Variants in LHFPL2 observed in about 807,000 individuals in gnomAD.
LHFPL2 encodes LHFPL tetraspan subfamily member 2.
Under a neutral mutation model 17.5 loss-of-function variants are expected in LHFPL2, and 7 were observed. The ratio of observed to expected loss-of-function variants is 0.40; its 90% CI spans 0.23 to 0.75. The LOEUF is 0.75. LHFPL2 is among the 30% of genes least tolerant of loss of function. The pLI is 0.37. For missense variants in LHFPL2, 241 were observed against 294.8 expected (o/e 0.82, Z 1.34); for synonymous variants, 134 against 116.2 (o/e 1.15, Z -0.99).
chr5:78,532,684 A>G (rs1755822002), intron 3 of LHFPL2, among the ~76,000 whole-genome samples: 2 of 151,988 alleles, frequency 1.3e-5, no homozygotes, highest in Non-Finnish European at 2.9e-5. Context: ...CTGAATAATA[A>G]AACCATCACC....
At chr5:78,595,336 C>A (rs1373309875) in intron 2 of LHFPL2, among the ~76,000 whole-genome samples, 1 of 152,178 alleles carries the variant, frequency 6.6e-6, no homozygotes, top group East Asian at 1.9e-4. Context: ...ATCCGAAGCA[C>A]CAGGTCAAAT....
chr5:78,512,447 T>G (rs984855468), intron 3 of LHFPL2, among the ~76,000 whole-genome samples: 5 of 151,164 alleles, frequency 3.3e-5, no homozygotes, highest in Admixed American at 3.3e-4. Flanking sequence ...CTACTCCGAC[T>G]CACTCATTCT....
chr5:78,577,843 T>A (rs538217073), intron 2 of LHFPL2, among the ~76,000 whole-genome samples: 1 of 152,100 alleles, frequency 6.6e-6, no homozygotes, highest in East Asian at 1.9e-4. Context: ...TCATATTCAG[T>A]TTTCTTAAAT....
At chr5:78,549,622 A>G (rs1756381430) in intron 3 of LHFPL2, among the ~76,000 whole-genome samples, 1 of 152,198 alleles carries the variant, frequency 6.6e-6, no homozygotes, top group African/African-American at 2.4e-5. Context: ...ATAACAATAA[A>G]TTCTGCTCGA....
chr5:78,558,323 C>T (rs1384735856), intron 3 of LHFPL2, among the ~76,000 whole-genome samples: 8 of 152,206 alleles, frequency 5.3e-5, no homozygotes, highest in Non-Finnish European at 1.2e-4. Flanking sequence ...TTCAATTAAA[C>T]CACCTTCCTT....
chr5:78,566,469 C>CT (rs577298735), intron 2 of LHFPL2, among the ~76,000 whole-genome samples: 27,014 of 147,916 alleles, frequency 0.18, 2,937 homozygotes, highest in Admixed American at 0.26. Flanking sequence ...GAAACTAAGA[C>CT]TTTTTTTTTT....
intron 2 of LHFPL2, among the ~76,000 whole-genome samples, chr5:78,571,654 C>T (rs1438167231): frequency 6.6e-6 from 1 of 152,154 alleles, no homozygotes; most frequent in Non-Finnish European, 1.5e-5. Flanking sequence ...TATTCATACT[C>T]ATCCCTTGCT....
chr5:78,500,025 A>G (rs956870455), intron 4 of LHFPL2, among the ~76,000 whole-genome samples: 31 of 66,336 alleles, frequency 4.7e-4, no homozygotes, highest in Middle Eastern at 8.8e-3. Flanking sequence ...GACCAAAAGG[A>G]AAAAAAAAAA....
At chr5:78,616,273 C>T (rs547281302) in intron 2 of LHFPL2, among the ~76,000 whole-genome samples, 7 of 152,186 alleles carry the variant, frequency 4.6e-5, no homozygotes, top group East Asian at 1.9e-4. Context: ...ACTACTGGTG[C>T]CCGCCACCTC....
At chr5:78,521,465 ATTAAT>A (rs1755456135) in intron 3 of LHFPL2, among the ~76,000 whole-genome samples, 2 of 152,256 alleles carry the variant, frequency 1.3e-5, no homozygotes, top group Admixed American at 1.3e-4. Flanking sequence ...CTGAGATGAC[ATTAAT>A]TTAAAGTGAT....
intron 3 of LHFPL2, among the ~76,000 whole-genome samples, chr5:78,545,581 G>A (rs1293595670): frequency 6.6e-6 from 1 of 152,166 alleles, no homozygotes; most frequent in Non-Finnish European, 1.5e-5. Context: ...ACTCACTACA[G>A]CGTTCATCTT....
intron 1 of LHFPL2, among the ~76,000 whole-genome samples, chr5:78,636,325 C>A (rs1454192774): frequency 6.6e-6 from 1 of 152,218 alleles, no homozygotes; most frequent in Non-Finnish European, 1.5e-5. Context: ...ACACTTCACC[C>A]AATTTCTCTA....
Position 78,584,993 on chromosome 5 carries a change from G to GTTTTT in LHFPL2, c.-244-20123_-244-20122insAAAAA, listed in dbSNP as rs1561352310. Among the ~76,000 whole-genome samples the GTTTTT allele has an allele frequency of 6.7e-4, 57 of 84,774 alleles. 13 individuals carry two copies. The highest frequency in any genetic ancestry group is 2.7e-3 in the African/African-American group (55 of 20,192). The allele number at this position is 84,774 out of a possible 152,430, so 55.6% of individuals were successfully genotyped here. The stretch of plus-strand genomic sequence containing the variant: ...GCGGGATATAATCTCCTGGTGCGCT[G>GTTTTT]TGTTTTTTTTTTTTTTTTTTTTTTT... On this transcript the variant is annotated intron_variant, in intron 2 of 4. Transcript: ENST00000380345.
At chr5:78,494,905 A>C (rs943361570) in intron 4 of LHFPL2, among the ~76,000 whole-genome samples, 3 of 152,126 alleles carry the variant, frequency 2.0e-5, no homozygotes, top group African/African-American at 4.8e-5. Flanking sequence ...AAACGTAGGA[A>C]ACACACCAGG....
chr5:78,587,275 G>A (rs1299166822), intron 2 of LHFPL2, among the ~76,000 whole-genome samples: 1 of 152,178 alleles, frequency 6.6e-6, no homozygotes, highest in Non-Finnish European at 1.5e-5. Flanking sequence ...GATGCTTGTT[G>A]GCAAAGATGC....
chr5:78,502,449 A>G (rs1343896432), intron 4 of LHFPL2, among the ~76,000 whole-genome samples: 1 of 152,244 alleles, frequency 6.6e-6, no homozygotes, highest in Admixed American at 6.5e-5. Flanking sequence ...ACCTAGCCAG[A>G]TGATTCCTTC....
At chr5:78,498,715 C>CT (rs1192189985) in intron 4 of LHFPL2, among the ~76,000 whole-genome samples, 4 of 152,160 alleles carry the variant, frequency 2.6e-5, no homozygotes, top group Admixed American at 1.3e-4. Context: ...AGTACTGATC[C>CT]TTACTCACCA....
intron 3 of LHFPL2, among the ~76,000 whole-genome samples, chr5:78,511,886 G>A (rs776430910): frequency 5.9e-5 from 9 of 152,140 alleles, no homozygotes; most frequent in Non-Finnish European, 8.8e-5. Flanking sequence ...GTGTCACAGC[G>A]CTGTGCCAAG....
Position 78,510,716 on chromosome 5 carries a change from G to C in LHFPL2, c.-185-318C>G, listed in dbSNP as rs74684246. Reference sequence around the variant, plus strand: ...GCTGCACTTTTAGGACAGGGCTCCCGCTCCCTCATCTTTTACTGGAAAAAG... The same window carrying C: ...GCTGCACTTTTAGGACAGGGCTCCCCCTCCCTCATCTTTTACTGGAAAAAG... On this transcript the variant is annotated intron_variant, in intron 3 of 4. Transcript: ENST00000380345. 3.2e-3 allele frequency among the ~76,000 whole-genome samples: 486 copies of C among 152,352 alleles called. 2 individuals are homozygous for C. Among genetic ancestry groups the C allele is most frequent in the African/African-American group, 0.011 (463 of 41,580 alleles).
Sources: allele counts gnomAD v4.1 joint callset (sites outside exome capture counted in the v4.1 genomes callset), GRCh38; gene constraint gnomAD v4.1.1; transcripts MANE v1.5; gene names NCBI Gene and HGNC (gene_info 2026-07-23, HGNC 2026-07-21).